The following MBD6 variants were observed in gnomAD, a reference collection of about 807,000 sequenced individuals.
MBD6 encodes methyl-CpG-binding domain protein 6.
In MBD6, 22 loss-of-function variants were observed where a neutral mutation model predicts 66.8. The observed-to-expected ratio is 0.33, with a 90% CI of 0.24 to 0.47. The LOEUF is 0.47. Ranked by LOEUF, MBD6 falls within the 20% of genes least tolerant of loss-of-function variation. The probability of loss-of-function intolerance (pLI) is 1.00; values close to 1 mark genes in which losing one functional copy is unlikely to be tolerated. For missense variants in MBD6, 1,322 were observed against 1,286.9 expected (o/e 1.03, Z -0.42); for synonymous variants, 540 against 534.6 (o/e 1.01, Z -0.14).
rs766700751 is a variant in MBD6 at position 57,529,245 on chromosome 12, T to C, written c.*11T>C. The C allele has an allele frequency of 5.0e-6, 8 of 1,613,952 alleles. No individual in the cohort carries two copies. The Admixed American group carries it at 1.0e-4, about 20-fold the overall frequency. On this transcript the variant is annotated 3_prime_UTR_variant, in exon 13 of 13. Coordinates refer to ENST00000355673, the MANE Select transcript of MBD6 (RefSeq NM_052897.4). ...AAACTGGCCCCATAGCAGCCATACC[T>C]GGAGCTGGATCTGACCCTGATTGGG...
rs767495885 is a variant in MBD6 at position 57,526,173 on chromosome 12, C to G, written c.1205C>G (p.Pro402Arg). 6.2e-7 allele frequency: 1 copy of G among 1,614,032 alleles called. No individual in the cohort carries two copies. Residue 402 changes from proline to arginine, a missense_variant, in exon 6 of 13, where the codon CCG becomes CGG. Transcript: ENST00000355673. ...PAPVPQPFSL[P>R]EPSQPILPSV... ...CCTGTCCCCCAACCCTTTTCTCTCCCGGAGCCATCCCAACCAATTCTCCCT... is the reference window on the plus strand; with the variant it reads ...CCTGTCCCCCAACCCTTTTCTCTCCGGGAGCCATCCCAACCAATTCTCCCT...
Position 57,529,324 on chromosome 12 carries a change from C to T in MBD6, c.*90C>T, listed in dbSNP as rs1879362002. ...CCTGCCAGCCACCTGCACCTGTGGA[C>T]AGTGGGTGGGGGCACTACTCCCCAC... On this transcript the variant is annotated 3_prime_UTR_variant, in exon 13 of 13. Transcript: ENST00000355673. The T allele has an allele frequency of 7.5e-7, 1 of 1,338,284 alleles. No individual in the cohort carries two copies. Among genetic ancestry groups the T allele is most frequent in the African/African-American group, 1.4e-5 (1 of 69,500 alleles). The allele number at this position is 1,338,284 out of a possible 1,614,324, so 82.9% of individuals were successfully genotyped here. A position where few individuals can be genotyped will look rare whatever the true frequency, so the allele number is the denominator to read the frequency against.
intron 3 of MBD6, 79 bp from the exon 4 acceptor site, chr12:57,524,641 A>G: frequency 7.5e-7 from 1 of 1,326,642 alleles, no homozygotes; most frequent in Non-Finnish European, 1.1e-6. Flanking sequence ...AGGATCTGTA[A>G]CTTAAGCACT....
chr12:57,521,770 A>G (rs1235756232), upstream of MBD6: 1 of 152,148 alleles, frequency 6.6e-6, no homozygotes, highest in East Asian at 1.9e-4. Context: ...CTGTGTGAGG[A>G]GCGCGGCACA....
At chr12:57,525,213 G>A in intron 5 of MBD6, 98 bp downstream of exon 5, 1 of 1,509,316 alleles carries the variant, frequency 6.6e-7, no homozygotes, top group Non-Finnish European at 8.9e-7. Context: ...AAGAGAAAGG[G>A]GAGTGGGTGG....
At position 57,527,161 on chromosome 12, in the gene MBD6, C is replaced by T. The variant is rs2140089702; in HGVS notation, c.2016C>T (p.Thr672=). ...TCCCCCCACTTTCAGCCCCCCCTAC[C>T]CTCATAGCTTTAAATTCTGCGCTGC... The part of the protein sequence containing the change: ...LLFPPLSAPP[T]LIALNSALLA... The change falls in exon 7 of 13, where the codon ACC becomes ACT. Residue 672 remains threonine (T), a synonymous_variant. Transcript: ENST00000355673. 6.7e-7 allele frequency: 1 copy of T among 1,490,100 alleles called. No homozygotes were observed. Among genetic ancestry groups the T allele is most frequent in the Admixed American group, 2.1e-5 (1 of 46,652 alleles). 92.3% of individuals were successfully genotyped at this position (1,490,100 alleles called of 1,614,324 possible).
In MBD6 at chr12:57,528,985, C is replaced by T. The variant is rs1237007431; in HGVS notation, c.2913C>T (p.Thr971=). The T allele has an allele frequency of 1.2e-6, 2 of 1,614,096 alleles. No individual in the cohort carries two copies. Among genetic ancestry groups the T allele is most frequent in the African/African-American group, 1.3e-5 (1 of 75,012 alleles). The change falls in exon 12 of 13, where the codon ACC becomes ACT. Residue 971 remains threonine (T), a synonymous_variant. Coordinates refer to ENST00000355673, the MANE Select transcript of MBD6 (RefSeq NM_052897.4). ...RNSNSSRQDI[T]LEPSPTARAA... is the part of the protein sequence containing the mutation. ...GCAATAGCTCCCGCCAGGACATTAC[C>T]TTGGAACCCAGCCCTACAGCCCGAG...
At chr12:57,523,590 G>GCTGGTACCCTC (rs1215268199) in intron 1 of MBD6, among the ~76,000 whole-genome samples, 3 of 152,194 alleles carry the variant, frequency 2.0e-5, no homozygotes, top group African/African-American at 7.2e-5. Context: ...GGGGAGTTCT[G>GCTGGTACCCTC]CTGGTACCAC....
upstream of MBD6, among the ~76,000 whole-genome samples, chr12:57,522,347 G>A (rs1252549740): frequency 6.6e-6 from 1 of 152,210 alleles, no homozygotes; most frequent in Admixed American, 6.5e-5. Flanking sequence ...ATGTTGACCT[G>A]GGGAGGCGGG....
chr12:57,526,577 C>T lies in MBD6; in HGVS notation c.1432C>T (p.Pro478Ser). 1.3e-6 allele frequency: 2 copies of T among 1,511,452 alleles called. No individual in the cohort carries two copies. Among genetic ancestry groups the T allele is most frequent in the East Asian group, 2.3e-5 (1 of 43,704 alleles). The allele number at this position is 1,511,452 out of a possible 1,614,324, so 93.6% of individuals were successfully genotyped here. The change falls in exon 7 of 13, where the codon CCA becomes TCA. Residue 478 changes from proline to serine, a missense_variant. Pro to Ser is a moderately conservative substitution (Grantham distance 74). Coordinates refer to ENST00000355673, the MANE Select transcript of MBD6 (RefSeq NM_052897.4). ...SLSSVPGAPA[P>S]PAASKAPVVP... ...CTCCTCTTTTACAGGTGCCCCTGCC[C>T]CACCAGCTGCCTCCAAAGCCCCAGT...
intron 3 of MBD6, 74 bp from the exon 4 acceptor site, chr12:57,524,646 A>G (rs1349098721): frequency 3.7e-6 from 5 of 1,359,332 alleles, no homozygotes; most frequent in Non-Finnish European, 5.3e-6. Flanking sequence ...CTGTAACTTA[A>G]GCACTGTGCT....
Position 57,528,397 on chromosome 12 carries a change from C to G in MBD6, c.2657C>G (p.Pro886Arg), listed in dbSNP as rs1211420627. 6.2e-7 allele frequency: 1 copy of G among 1,612,972 alleles called. No homozygotes were observed. Among genetic ancestry groups the G allele is most frequent in the African/African-American group, 1.3e-5 (1 of 75,058 alleles). The change falls in exon 10 of 13, where the codon CCT becomes CGT. Residue 886 changes from proline to arginine, a missense_variant. Coordinates refer to ENST00000355673, the MANE Select transcript of MBD6 (RefSeq NM_052897.4). ...CGAAAGCCTGGCAGCCGGCGGGAGC[C>G]TGGCCGACTGGCCCTCAAATGGGGG... ...RGRKPGSRRE[P>R]GRLALKWGTR...
rs1055817786 is a variant in MBD6 at position 57,526,034 on chromosome 12, T to A, written c.1066T>A (p.Ser356Thr). 6.2e-7 allele frequency: 1 copy of A among 1,604,882 alleles called. No individual in the cohort carries two copies. The highest frequency in any genetic ancestry group is 1.4e-5 in the African/African-American group (1 of 71,162). Reference protein sequence around the residue: ...PRAQAPSASHSSSLRPSQRRP... With the variant: ...PRAQAPSASHTSSLRPSQRRP... ...TGCCCAGGCACCCTCAGCTTCCCACTCCTCATCACTTCGTCCCTCTCAGCG... is the reference window on the plus strand; with the variant it reads ...TGCCCAGGCACCCTCAGCTTCCCACACCTCATCACTTCGTCCCTCTCAGCG... Residue 356 changes from serine to threonine, a missense_variant, in exon 6 of 13, where the codon TCC (serine) becomes ACC (threonine). Physicochemically the swap from Ser to Thr is moderately conservative, Grantham distance 58 (BLOSUM62 1). Coordinates refer to ENST00000355673, the MANE Select transcript of MBD6 (RefSeq NM_052897.4).
At position 57,525,641 on chromosome 12, in the gene MBD6, C is replaced by T. The variant is rs757832372; in HGVS notation, c.673C>T (p.Pro225Ser). Residue 225 changes from proline to serine, a missense_variant, in exon 6 of 13, where the codon CCC becomes TCC. Pro to Ser is a moderately conservative substitution (Grantham distance 74). Transcript: ENST00000355673. Reference protein sequence around the residue: ...PPPPAISLNAPSYNWGAALRS... With the variant: ...PPPPAISLNASSYNWGAALRS... ...TCCACCTGCTATCAGCCTCAATGCT[C>T]CCTCATACAACTGGGGAGCTGCCCT... The T allele has an allele frequency of 6.2e-7, 1 of 1,613,912 alleles. No homozygotes were observed. Among genetic ancestry groups the T allele is most frequent in the South Asian group, 1.1e-5 (1 of 91,084 alleles).
chr12:57,530,065 T>A lies in MBD6; in HGVS notation c.*831T>A, dbSNP rs1382575422. The A allele has an allele frequency of 6.6e-6, 1 of 152,604 alleles. No homozygotes were observed. The highest frequency in any genetic ancestry group is 1.5e-5 in the Non-Finnish European group (1 of 68,064). 9.5% of individuals were successfully genotyped at this position (152,604 alleles called of 1,614,324 possible). On this transcript the variant is annotated 3_prime_UTR_variant, in exon 13 of 13. Transcript: ENST00000355673. ...AAGACCCTTGGGAGTTTTAATTCTG[T>A]TTTGTACTTGCCCTGTGGGGCCTCC... is the stretch of plus-strand genomic sequence containing the variant.
chr12:57,529,428 A>AC lies in MBD6; in HGVS notation c.*196dup, dbSNP rs1565672224. 1.2e-3 allele frequency: 494 copies of AC among 403,544 alleles called. No individual in the cohort carries two copies. The highest frequency in any genetic ancestry group is 2.1e-3 in the South Asian group (77 of 36,852). The allele number at this position is 403,544 out of a possible 1,614,324, so 25.0% of individuals were successfully genotyped here. On this transcript the variant is annotated 3_prime_UTR_variant, in exon 13 of 13. Coordinates refer to ENST00000355673, the MANE Select transcript of MBD6 (RefSeq NM_052897.4). ...GGGGCAGGGAAGTTCACCCCCCCCCACCACCCCCCCGCCCCCCCGAAGCCA... is the reference window on the plus strand; with the variant it reads ...GGGGCAGGGAAGTTCACCCCCCCCCACCCACCCCCCCGCCCCCCCGAAGCCA...
Position 57,529,855 on chromosome 12 carries a change from A to C in MBD6, c.*621A>C, listed in dbSNP as rs1565673079. The C allele has an allele frequency of 6.5e-6, 1 of 153,876 alleles. No homozygotes were observed. Among genetic ancestry groups the C allele is most frequent in the Non-Finnish European group, 1.4e-5 (1 of 68,988 alleles). 9.5% of individuals were successfully genotyped at this position (153,876 alleles called of 1,614,324 possible). A position where few individuals can be genotyped will look rare whatever the true frequency, so the allele number is the denominator to read the frequency against. On this transcript the variant is annotated 3_prime_UTR_variant, in exon 13 of 13. Coordinates refer to ENST00000355673, the MANE Select transcript of MBD6 (RefSeq NM_052897.4). ...TCCTCTGGGATATAAAAAAGGGGGT[A>C]AGGGGGCAAAGAGAGCCCTCTGGGC...
downstream of MBD6, chr12:57,530,664 C>T: frequency 1.3e-6 from 2 of 1,595,922 alleles, no homozygotes; most frequent in Non-Finnish European, 1.7e-6. Flanking sequence ...AGGGATAACC[C>T]CTGTTCTCCA....
At position 57,524,396 on chromosome 12, in the gene MBD6, G is replaced by C; in HGVS notation, c.93G>C (p.Glu31Asp). 2 of 1,595,626 alleles carry C rather than the reference G, an allele frequency of 1.3e-6. No homozygotes were observed. The highest frequency in any genetic ancestry group is 2.2e-5 in the East Asian group (1 of 44,692). Residue 31 changes from glutamate to aspartate, a missense_variant, in exon 3 of 13, where the codon GAG becomes GAC. Coordinates refer to ENST00000355673, the MANE Select transcript of MBD6 (RefSeq NM_052897.4). ...VPIGWQRCVR[E>D]GAVLYISPSG... is the part of the protein sequence containing the mutation. ...TCGGCTGGCAGCGCTGTGTGCGAGA[G>C]GGTGCTGTGCTCTACATCAGGTACG... is the stretch of plus-strand genomic sequence containing the variant.
Sources: allele counts gnomAD v4.1 joint callset (sites outside exome capture counted in the v4.1 genomes callset), GRCh38; gene constraint gnomAD v4.1.1; transcripts MANE v1.5; gene names NCBI Gene and HGNC (gene_info 2026-07-23, HGNC 2026-07-21).